Variants in TENM2 observed in about 807,000 individuals in gnomAD.
TENM2 encodes the protein teneurin-2.
In TENM2, 52 loss-of-function variants were observed where a neutral mutation model predicts 245.2. That is an observed-to-expected ratio of 0.21 (90% CI 0.17 to 0.27). The LOEUF (loss-of-function observed/expected upper bound fraction) is 0.27. TENM2 is among the 10% of genes least tolerant of loss of function. The pLI, the probability that TENM2 is intolerant of heterozygous loss-of-function variation, is 1.00. For synonymous variants in TENM2, 1,363 were observed against 1,438.9 expected (o/e 0.95, Z 1.19); for missense variants, 3,046 against 3,666.8 (o/e 0.83, Z 4.37).
At chr5:167,830,845 G>A in intron 2 of TENM2, among the ~76,000 whole-genome samples, 1 of 152,118 alleles carries the variant, frequency 6.6e-6, no homozygotes, top group East Asian at 1.9e-4. Context: ...CTCTGAATTT[G>A]CATTTCTAAC....
chr5:167,843,218 G>A (rs952290962), intron 2 of TENM2, among the ~76,000 whole-genome samples: 10 of 152,124 alleles, frequency 6.6e-5, no homozygotes, highest in African/African-American at 2.4e-4. Flanking sequence ...GGGCTAACTC[G>A]AAATACGTTT....
At chr5:168,064,043 C>G (rs1790285417) in intron 7 of TENM2, among the ~76,000 whole-genome samples, 1 of 151,930 alleles carries the variant, frequency 6.6e-6, no homozygotes, top group African/African-American at 2.4e-5. Flanking sequence ...TAACACAGCC[C>G]CTGACCAAGC....
intron 10 of TENM2, among the ~76,000 whole-genome samples, chr5:168,123,226 G>A (rs148997283): frequency 6.6e-6 from 1 of 152,062 alleles, no homozygotes; most frequent in Non-Finnish European, 1.5e-5. Context: ...TTGAGCTCAG[G>A]TGTTCGAGAC....
At chr5:167,275,081 G>T in the TENM2 span, among the ~76,000 whole-genome samples, 1 of 151,652 alleles carries the variant, frequency 6.6e-6, no homozygotes, top group South Asian at 2.1e-4. Context: ...CTTTTTCCCT[G>T]TGGGTGTTCA....
chr5:167,800,126 G>A lies in TENM2; in HGVS notation c.503-75860G>A, dbSNP rs533089814. On this transcript the variant is annotated intron_variant, in intron 2 of 28. Coordinates refer to ENST00000518659, the Ensembl canonical transcript of TENM2. The stretch of plus-strand genomic sequence containing the variant: ...AATCTGGCTGGACAATCCACTGGAG[G>A]TCCTTTTTATCTGCACAATGTGCAT... 9.8e-5 allele frequency among the ~76,000 whole-genome samples: 15 copies of A among 152,346 alleles called. No individual in the cohort carries two copies. In the South Asian group the frequency reaches 3.1e-3, roughly 32 times the overall value.
intron 7 of TENM2, among the ~76,000 whole-genome samples, chr5:168,062,721 A>G (rs1172484488): frequency 1.3e-5 from 2 of 152,204 alleles, no homozygotes; most frequent in Non-Finnish European, 1.5e-5. Flanking sequence ...TACATGCTAC[A>G]ACATGGATGA....
intron 1 of TENM2, among the ~76,000 whole-genome samples, chr5:167,314,861 A>T (rs1473582180): frequency 6.6e-6 from 1 of 152,006 alleles, no homozygotes; most frequent in Non-Finnish European, 1.5e-5. Context: ...ATTTTCACTG[A>T]AGTACTTATC....
intron 5 of TENM2, among the ~76,000 whole-genome samples, chr5:167,996,655 A>G (rs1277275545): frequency 6.6e-6 from 1 of 152,212 alleles, no homozygotes; most frequent in Non-Finnish European, 1.5e-5. Context: ...GATAGTATGC[A>G]TAACAATCAC....
At chr5:167,852,021 C>A (rs1454145924) in intron 2 of TENM2, among the ~76,000 whole-genome samples, 1 of 152,142 alleles carries the variant, frequency 6.6e-6, no homozygotes, top group Non-Finnish European at 1.5e-5. Flanking sequence ...ATTATCATAT[C>A]TTTGATAAAC....
chr5:167,857,070 A>G (rs1295393916), intron 2 of TENM2, among the ~76,000 whole-genome samples: 1 of 152,162 alleles, frequency 6.6e-6, no homozygotes, highest in Non-Finnish European at 1.5e-5. Context: ...AGAACCTGAA[A>G]GGTGGTAGTT....
At chr5:167,980,097 G>A (rs1434275309) in intron 4 of TENM2, among the ~76,000 whole-genome samples, 1 of 152,170 alleles carries the variant, frequency 6.6e-6, no homozygotes, top group Admixed American at 6.5e-5. Context: ...AGGGGCTGGA[G>A]ATACAATGGT....
At chr5:167,305,754 T>A (rs1755639350) in intron 1 of TENM2, among the ~76,000 whole-genome samples, 1 of 152,238 alleles carries the variant, frequency 6.6e-6, no homozygotes, top group Non-Finnish European at 1.5e-5. Flanking sequence ...AGGCATCTTA[T>A]TTCATAGAGG....
chr5:166,989,390 G>T, the TENM2 span, among the ~76,000 whole-genome samples: 90 of 150,036 alleles, frequency 6.0e-4, no homozygotes, highest in African/African-American at 2.2e-3. Context: ...TTCCTGAGTA[G>T]CTGGGACTAC....
chr5:167,571,960 C>T (rs1268895947), intron 2 of TENM2, among the ~76,000 whole-genome samples: 1 of 152,200 alleles, frequency 6.6e-6, no homozygotes, highest in Non-Finnish European at 1.5e-5. Context: ...CACTTCCCTC[C>T]CTGCTAGCCA....
chr5:167,482,202 A>G (rs184057500), intron 2 of TENM2, among the ~76,000 whole-genome samples: 74 of 152,306 alleles, frequency 4.9e-4, no homozygotes, highest in Admixed American at 2.6e-3. Context: ...CCCTGCTAAC[A>G]TGTTAGTGTA....
chr5:167,363,576 A>G (rs1370393484), intron 1 of TENM2, among the ~76,000 whole-genome samples: 1 of 151,798 alleles, frequency 6.6e-6, no homozygotes, highest in East Asian at 1.9e-4. Flanking sequence ...CTAAAAATAC[A>G]AAAAATTAAC....
intron 9 of TENM2, among the ~76,000 whole-genome samples, chr5:168,111,331 C>G (rs1416348772): frequency 6.6e-6 from 1 of 152,140 alleles, no homozygotes; most frequent in Non-Finnish European, 1.5e-5. Context: ...CCCCATCTGT[C>G]AGAATGCACC....
At chr5:167,819,890 C>T (rs1202524748) in intron 2 of TENM2, among the ~76,000 whole-genome samples, 1 of 152,158 alleles carries the variant, frequency 6.6e-6, no homozygotes, top group African/African-American at 2.4e-5. Flanking sequence ...TGATTGCTCT[C>T]CATCCAGCTA....
chr5:167,228,129 A>G, the TENM2 span, among the ~76,000 whole-genome samples: 3 of 152,016 alleles, frequency 2.0e-5, no homozygotes, highest in Non-Finnish European at 4.4e-5. Flanking sequence ...CCTGGCTTCA[A>G]GTGATTCTCA....
Sources: gnomAD v4.1 joint callset for allele counts (sites outside exome capture counted in the v4.1 genomes callset) on GRCh38, gnomAD v4.1.1 for gene constraint, MANE v1.5 for transcripts, NCBI Gene and HGNC (gene_info 2026-07-23, HGNC 2026-07-21) for gene names.